Variants in RAPGEF2 observed in about 807,000 individuals in gnomAD.
RAPGEF2 encodes Rap guanine nucleotide exchange factor 2, also known as PDZ domain containing guanine nucleotide exchange factor (GEF) 1.
In RAPGEF2, 54 loss-of-function variants were observed where a neutral mutation model predicts 186.7. The observed-to-expected ratio is 0.29, with a 90% CI of 0.23 to 0.36. The LOEUF is 0.36. Ranked by LOEUF, RAPGEF2 falls within the 10% of genes least tolerant of loss-of-function variation. The probability of loss-of-function intolerance (pLI) is 1.00; values close to 1 mark genes in which losing one functional copy is unlikely to be tolerated. For synonymous variants in RAPGEF2, 712 were observed against 705.9 expected (o/e 1.01, Z -0.14); for missense variants, 1,532 against 2,045.0 (o/e 0.75, Z 4.84).
chr4:159,195,977 T>A (rs1316350621), intron 3 of RAPGEF2, among the ~76,000 whole-genome samples: 1 of 145,938 alleles, frequency 6.9e-6, no homozygotes. Context: ...TTTTAGGTAA[T>A]CTTAAATTTG....
intron 1 of RAPGEF2, among the ~76,000 whole-genome samples, chr4:159,114,176 T>C (rs1268966012): frequency 6.6e-6 from 1 of 151,592 alleles, no homozygotes; most frequent in Non-Finnish European, 1.5e-5. Context: ...TCTCAGCCAT[T>C]CCCAGCAACC....
chr4:159,239,583 A>G (rs769765053), intron 5 of RAPGEF2, among the ~76,000 whole-genome samples: 4 of 152,224 alleles, frequency 2.6e-5, no homozygotes, highest in Non-Finnish European at 5.9e-5. Context: ...GTTAAAATAG[A>G]TATTAGCAAC....
rs530393117 is a variant in RAPGEF2 at position 159,220,553 on chromosome 4, C to T, written c.281+9970C>T. Among the ~76,000 whole-genome samples the T allele has an allele frequency of 4.6e-5, 7 of 152,310 alleles. No homozygotes were observed. The South Asian group carries it at 1.0e-3, about 23-fold the overall frequency. On this transcript the variant is annotated intron_variant, in intron 4 of 29. Transcript: ENST00000691494. ...GACAGCTCAAAGTGCTTCCAGCTTG[C>T]GTTGCTTCCAACACGCTCTACAGTT...
intron 4 of RAPGEF2, among the ~76,000 whole-genome samples, chr4:159,220,659 C>G (rs935582174): frequency 4.6e-5 from 7 of 152,128 alleles, no homozygotes; most frequent in Non-Finnish European, 4.4e-5. Flanking sequence ...TATCACCTTC[C>G]CCCTACTCTG....
intron 7 of RAPGEF2, among the ~76,000 whole-genome samples, chr4:159,255,671 A>C (rs1223935389): frequency 6.6e-6 from 1 of 152,154 alleles, no homozygotes; most frequent in Non-Finnish European, 1.5e-5. Flanking sequence ...GGGTCACCAT[A>C]GGTTCTTGCA....
chr4:159,123,081 A>G (rs1739892580), intron 1 of RAPGEF2, among the ~76,000 whole-genome samples: 1 of 152,244 alleles, frequency 6.6e-6, no homozygotes, highest in South Asian at 2.1e-4. Flanking sequence ...GTAAGAAAAT[A>G]GTATACAATA....
chr4:159,219,522 A>T (rs1421251242), intron 4 of RAPGEF2, among the ~76,000 whole-genome samples: 3 of 151,570 alleles, frequency 2.0e-5, no homozygotes, highest in Non-Finnish European at 4.4e-5. Context: ...CGTCCGGATA[A>T]TTTTTTGTAT....
At chr4:159,223,571 T>G (rs1561105224) in intron 4 of RAPGEF2, among the ~76,000 whole-genome samples, 1 of 152,190 alleles carries the variant, frequency 6.6e-6, no homozygotes, top group African/African-American at 2.4e-5. Context: ...TAGAAAACAG[T>G]CATTAGGCAG....
Position 159,358,258 on chromosome 4 carries a change from C to T in RAPGEF2, c.*119C>T. 1 of 993,648 alleles carries T rather than the reference C, an allele frequency of 1.0e-6. No individual in the cohort carries two copies. Among genetic ancestry groups the T allele is most frequent in the Non-Finnish European group, 1.5e-6 (1 of 665,836 alleles). 61.6% of individuals were successfully genotyped at this position (993,648 alleles called of 1,614,324 possible). On this transcript the variant is annotated 3_prime_UTR_variant, in exon 30 of 30. Transcript: ENST00000691494. ...GACGGTGGACCAGTTTGCCTCCTTC[C>T]CTGCCTTAAAAGCAGCATGGGGCTT... is the stretch of plus-strand genomic sequence containing the variant.
intron 1 of RAPGEF2, among the ~76,000 whole-genome samples, chr4:159,180,163 T>C (rs1030976479): frequency 1.3e-5 from 2 of 152,216 alleles, no homozygotes; most frequent in Non-Finnish European, 2.9e-5. Context: ...CTTTTTGTTG[T>C]TTATGCGATC....
chr4:159,202,868 C>T (rs1749594988), intron 3 of RAPGEF2, among the ~76,000 whole-genome samples: 1 of 152,198 alleles, frequency 6.6e-6, no homozygotes, highest in East Asian at 1.9e-4. Flanking sequence ...TCCTAAAGTG[C>T]TGGGATTACA....
intron 1 of RAPGEF2, among the ~76,000 whole-genome samples, chr4:159,123,024 C>G (rs1270076302): frequency 2.1e-5 from 2 of 97,180 alleles, no homozygotes; most frequent in Non-Finnish European, 4.5e-5. Context: ...TGTATTTTCT[C>G]TTCCTTATGA....
chr4:159,350,653 T>C (rs1411837758), intron 26 of RAPGEF2, among the ~76,000 whole-genome samples: 4 of 152,352 alleles, frequency 2.6e-5, no homozygotes, highest in African/African-American at 9.6e-5. Context: ...AAAACTAATA[T>C]CTTCCTGATT....
chr4:159,351,171 C>T, intron 26 of RAPGEF2: 1 of 1,534,514 alleles, frequency 6.5e-7, no homozygotes, highest in Admixed American at 2.0e-5. Context: ...CACCACGGAC[C>T]TATGGGATAG....
chr4:159,256,867 T>G (rs1377795645), intron 7 of RAPGEF2, among the ~76,000 whole-genome samples: 1 of 152,200 alleles, frequency 6.6e-6, no homozygotes, highest in East Asian at 1.9e-4. Context: ...TCATGTCCTT[T>G]GCCCACTTTT....
intron 7 of RAPGEF2, among the ~76,000 whole-genome samples, chr4:159,245,213 C>CT (rs1754487064): frequency 6.6e-6 from 1 of 151,950 alleles, no homozygotes; most frequent in East Asian, 1.9e-4. Flanking sequence ...AACATGAATA[C>CT]TCATAGTCCA....
At chr4:159,214,680 A>G (rs1202875675) in intron 4 of RAPGEF2, among the ~76,000 whole-genome samples, 1 of 152,206 alleles carries the variant, frequency 6.6e-6, no homozygotes, top group Non-Finnish European at 1.5e-5. Flanking sequence ...AAGGCTAGGA[A>G]TTTATTAAAG....
In RAPGEF2 at chr4:159,315,992, A is replaced by AG. The variant is rs1764548238; in HGVS notation, c.853+1227dup. Among the ~76,000 whole-genome samples, 3 of 152,252 alleles carry AG rather than the reference A, an allele frequency of 2.0e-5. No homozygotes were observed. In the South Asian group the frequency reaches 6.2e-4, roughly 32 times the overall value. On this transcript the variant is annotated intron_variant, in intron 9 of 29. Coordinates refer to ENST00000691494, the MANE Select transcript of RAPGEF2 (RefSeq NM_001394067.2). ...GTCTTCTCTAAACTCCCCCTGGGGA[A>AG]GGGAGACTCCCTTTCCCGGTCTGCT...
At position 159,340,685 on chromosome 4, in the gene RAPGEF2, A is replaced by ACACACACT. The variant is rs1443829038; in HGVS notation, c.2535-872_2535-871insTCACACAC. Among the ~76,000 whole-genome samples, 67 of 148,892 alleles carry ACACACACT rather than the reference A, an allele frequency of 4.5e-4. 3 individuals are homozygous for ACACACACT. The highest frequency in any genetic ancestry group is 1.6e-3 in the African/African-American group (64 of 39,798). ...ACCATCACCACACACACACACACACACACACACACACACACACACACATTT... is the reference window on the plus strand; with the variant it reads ...ACCATCACCACACACACACACACACACACACACTCACACACACACACACACACACATTT... On this transcript the variant is annotated intron_variant, in intron 19 of 29. Transcript: ENST00000691494.
Sources: allele counts gnomAD v4.1 joint callset (sites outside exome capture counted in the v4.1 genomes callset), GRCh38; gene constraint gnomAD v4.1.1; transcripts MANE v1.5; gene names NCBI Gene and HGNC (gene_info 2026-07-23, HGNC 2026-07-21).